PALLD: variants seen among roughly 807,000 people sequenced by gnomAD.
The protein encoded by PALLD is palladin, cytoskeletal associated protein.
PALLD carries 61 observed loss-of-function variants against 123.5 expected under a neutral mutation model. The ratio of observed to expected loss-of-function variants is 0.49; its 90% CI spans 0.40 to 0.61. PALLD has a LOEUF of 0.61. PALLD is among the 20% of genes least tolerant of loss of function. The probability of loss-of-function intolerance (pLI) is 0.00; values close to 1 mark genes in which losing one functional copy is unlikely to be tolerated. For missense variants in PALLD, 1,273 were observed against 1,377.0 expected (o/e 0.92, Z 1.20); for synonymous variants, 465 against 496.4 (o/e 0.94, Z 0.84).
chr4:168,668,297 C>T lies in PALLD; in HGVS notation c.1016C>T (p.Thr339Ile). 2 of 1,614,100 alleles carry T rather than the reference C, an allele frequency of 1.2e-6. No individual in the cohort carries two copies. ...ATAGCAGAGGCCTTTGAGGACGACA[C>T]AGGTCGCTACACCTGTTTGGCTACG... ...LIIAEAFEDDTGRYTCLATNP... is the reference protein window; with the variant it reads ...LIIAEAFEDDIGRYTCLATNP... The change falls in exon 3 of 22, where the codon ACA (threonine) becomes ATA (isoleucine). Residue 339 changes from threonine (T) to isoleucine (I), a missense_variant. By Grantham distance (89) the Thr-to-Ile change is moderately conservative. This residue lies in a region of PALLD where 944 missense variants were observed against 954.5 expected (regional missense o/e 0.99). Transcript: ENST00000505667.
chr4:168,809,456 T>C (rs1236642012), intron 10 of PALLD, among the ~76,000 whole-genome samples: 4 of 152,196 alleles, frequency 2.6e-5, no homozygotes, highest in South Asian at 4.2e-4. Flanking sequence ...GTTTTAGTTA[T>C]CCACCTAGAG....
At chr4:168,732,723 G>C (rs1193238028) in intron 10 of PALLD, among the ~76,000 whole-genome samples, 1 of 152,056 alleles carries the variant, frequency 6.6e-6, no homozygotes, top group Non-Finnish European at 1.5e-5. Context: ...ACTACCCAAA[G>C]ACAAAAATGT....
intron 2 of PALLD, among the ~76,000 whole-genome samples, chr4:168,660,539 G>A (rs1779025732): frequency 6.6e-6 from 1 of 152,068 alleles, no homozygotes; most frequent in South Asian, 2.1e-4. Context: ...TTTTAAGCTG[G>A]AATGTTTGGA....
At chr4:168,621,490 T>C (rs1444910395) in intron 2 of PALLD, among the ~76,000 whole-genome samples, 1 of 152,176 alleles carries the variant, frequency 6.6e-6, no homozygotes, top group African/African-American at 2.4e-5. Context: ...TATTTTCAGC[T>C]CCTTACTCCT....
At chr4:168,497,939 A>T (rs1245115396) in intron 1 of PALLD, among the ~76,000 whole-genome samples, 1 of 152,222 alleles carries the variant, frequency 6.6e-6, no homozygotes, top group Non-Finnish European at 1.5e-5. Flanking sequence ...AACATTTGCT[A>T]AAAATACTAA....
intron 2 of PALLD, among the ~76,000 whole-genome samples, chr4:168,541,225 C>T (rs190666417): frequency 3.9e-5 from 6 of 152,288 alleles, no homozygotes; most frequent in Non-Finnish European, 7.4e-5. Context: ...TGCACTCATT[C>T]TTTATCTGTT....
chr4:168,822,665 C>T (rs1742891454), intron 10 of PALLD, among the ~76,000 whole-genome samples: 1 of 152,104 alleles, frequency 6.6e-6, no homozygotes, highest in African/African-American at 2.4e-5. Flanking sequence ...TTTCAGTGGG[C>T]GGTTTTATTT....
chr4:168,923,845 T>C (rs1762058051), intron 18 of PALLD, among the ~76,000 whole-genome samples: 1 of 152,160 alleles, frequency 6.6e-6, no homozygotes, highest in Non-Finnish European at 1.5e-5. Context: ...GGAATCTAAG[T>C]GGTCAAATTC....
chr4:168,541,914 A>G (rs1037417357), intron 2 of PALLD, among the ~76,000 whole-genome samples: 9 of 152,250 alleles, frequency 5.9e-5, no homozygotes, highest in Non-Finnish European at 1.3e-4. Flanking sequence ...CAGGATGCCC[A>G]GAATACAGGA....
In PALLD at chr4:168,820,190, C is replaced by T. The variant is rs187290637; in HGVS notation, c.1965-70732C>T. Among the ~76,000 whole-genome samples the T allele has an allele frequency of 2.0e-5, 3 of 152,348 alleles. No homozygotes were observed. The East Asian group carries it at 5.8e-4, about 29-fold the overall frequency. ...CCTTAGTGGCAGAAGTCATGTTTCT[C>T]AGTAATAACTAAACTTATTGGCAGC... is the stretch of plus-strand genomic sequence containing the variant. On this transcript the variant is annotated intron_variant, in intron 10 of 21. Coordinates refer to ENST00000505667, the MANE Select transcript of PALLD (RefSeq NM_001166108.2).
At chr4:168,744,408 C>T (rs1315564252) in intron 10 of PALLD, among the ~76,000 whole-genome samples, 1 of 152,220 alleles carries the variant, frequency 6.6e-6, no homozygotes, top group African/African-American at 2.4e-5. Flanking sequence ...ACATCCTCCA[C>T]AGCCTCGAGG....
intron 2 of PALLD, among the ~76,000 whole-genome samples, chr4:168,592,026 T>TC (rs1428951170): frequency 6.6e-6 from 1 of 151,260 alleles, no homozygotes; most frequent in Non-Finnish European, 1.5e-5. Flanking sequence ...GGATTTTTTT[T>TC]TTTTTTTTGA....
intron 2 of PALLD, among the ~76,000 whole-genome samples, chr4:168,556,730 G>C (rs1166119281): frequency 2.0e-5 from 3 of 152,294 alleles, no homozygotes; most frequent in African/African-American, 4.8e-5. Context: ...TAACAAAAAA[G>C]ACTGAGAAAA....
chr4:168,654,770 G>A (rs1561354363), intron 2 of PALLD: 1 of 152,226 alleles, frequency 6.6e-6, no homozygotes, highest in Non-Finnish European at 1.5e-5. Context: ...AGCAGTGGAG[G>A]CAGCCTTCTT....
chr4:168,658,074 G>T (rs1027106147), intron 2 of PALLD, among the ~76,000 whole-genome samples: 1 of 152,038 alleles, frequency 6.6e-6, no homozygotes, highest in Admixed American at 6.5e-5. Context: ...GCAAAACAAC[G>T]ACGAACCCCA....
At chr4:168,788,668 C>T (rs969966872) in intron 10 of PALLD, among the ~76,000 whole-genome samples, 5 of 152,042 alleles carry the variant, frequency 3.3e-5, no homozygotes, top group African/African-American at 1.2e-4. Context: ...TTCTAGCCAG[C>T]GTACCACTCT....
intron 2 of PALLD, among the ~76,000 whole-genome samples, chr4:168,531,111 TA>T (rs545132377): frequency 1.3e-3 from 191 of 152,348 alleles, no homozygotes; most frequent in African/African-American, 4.4e-3. Context: ...ATAATAATGT[TA>T]TGATATTGCT....
chr4:168,894,603 G>C lies in PALLD; in HGVS notation c.2125G>C (p.Ala709Pro). The C allele has an allele frequency of 6.2e-7, 1 of 1,613,280 alleles. No homozygotes were observed. The change falls in exon 12 of 22, where the codon GCT becomes CCT. Residue 709 changes from alanine to proline, a missense_variant. Around this residue, in one of 2 missense-constraint regions of PALLD, gnomAD observed 944 missense variants for 954.5 expected, o/e 0.99. Coordinates refer to ENST00000505667, the MANE Select transcript of PALLD (RefSeq NM_001166108.2). Reference protein sequence around the residue: ...QPRLTYEERMARRLLGADSAT... With the variant: ...QPRLTYEERMPRRLLGADSAT... The stretch of plus-strand genomic sequence containing the variant: ...GAGGTTAACATACGAAGAAAGAATG[G>C]CTCGTCGACTGCTAGGTGCTGACAG...
chr4:168,670,386 C>T (rs903701861), intron 3 of PALLD, among the ~76,000 whole-genome samples: 47 of 152,306 alleles, frequency 3.1e-4, no homozygotes, highest in African/African-American at 1.0e-3. Context: ...AGAGACAATT[C>T]CTGATATCAA....
Sources: gnomAD v4.1 joint callset for allele counts (sites outside exome capture counted in the v4.1 genomes callset) on GRCh38, gnomAD v4.1.1 for gene constraint, gnomAD v4.1.1 regional missense constraint, MANE v1.5 for transcripts, NCBI Gene and HGNC (gene_info 2026-07-23, HGNC 2026-07-21) for gene names.